The following SLC17A8 variants were observed in gnomAD, a reference collection of about 807,000 sequenced individuals.
SLC17A8 encodes solute carrier family 17 member 8.
SLC17A8 carries 31 observed loss-of-function variants against 58.0 expected under a neutral mutation model. The ratio of observed to expected loss-of-function variants is 0.53; its 90% CI spans 0.40 to 0.72. The LOEUF is 0.72. Among genes scored for constraint, SLC17A8 ranks in the 30% least tolerant of loss-of-function variants. SLC17A8 has a pLI of 0.00. For missense variants in SLC17A8, 655 were observed against 727.8 expected, an observed-to-expected ratio of 0.90 and a Z score of 1.15; for synonymous variants, 228 against 249.0, an observed-to-expected ratio of 0.92 and a Z score of 0.79.
intron 2 of SLC17A8, among the ~76,000 whole-genome samples, chr12:100,384,480 G>A (rs1481476688): frequency 6.6e-6 from 1 of 152,162 alleles, no homozygotes; most frequent in African/African-American, 2.4e-5. Context: ...GCGCACACCT[G>A]TAGTACCAGC....
At chr12:100,392,277 A>T (rs1370878638) in intron 3 of SLC17A8, among the ~76,000 whole-genome samples, 2 of 152,134 alleles carry the variant, frequency 1.3e-5, no homozygotes, top group Non-Finnish European at 2.9e-5. Flanking sequence ...GAGCATTTTT[A>T]AAAAAGAGAG....
chr12:100,404,330 G>T, intron 9 of SLC17A8, 160 bp downstream of exon 9: 1 of 878,174 alleles, frequency 1.1e-6, no homozygotes, highest in South Asian at 1.5e-5. Flanking sequence ...CCATCACAGT[G>T]CTGCCAAGAG....
rs577120550 is a variant in SLC17A8 at position 100,386,284 on chromosome 12, T to G, written c.355-4717T>G. The stretch of plus-strand genomic sequence containing the variant: ...TATACAGGGCCATTTTTTTAAAAAT[T>G]TATAATTTTAAAAAATTTTATTGTG... On this transcript the variant is annotated intron_variant, in intron 2 of 11. Transcript: ENST00000323346. Among the ~76,000 whole-genome samples, 18 of 152,290 alleles carry G rather than the reference T, an allele frequency of 1.2e-4. No homozygotes were observed. The South Asian group carries it at 2.1e-3, about 18-fold the overall frequency.
intron 1 of SLC17A8, among the ~76,000 whole-genome samples, chr12:100,379,577 C>A (rs1254548978): frequency 6.6e-6 from 1 of 152,010 alleles, no homozygotes; most frequent in Non-Finnish European, 1.5e-5. Flanking sequence ...AACTTGCAAG[C>A]TTTAATTATT....
intron 10 of SLC17A8, among the ~76,000 whole-genome samples, chr12:100,413,607 C>G (rs938467690): frequency 1.3e-5 from 2 of 152,170 alleles, no homozygotes; most frequent in African/African-American, 4.8e-5. Flanking sequence ...GCAATCATAT[C>G]AGAAGCTTCC....
intron 2 of SLC17A8, among the ~76,000 whole-genome samples, chr12:100,382,142 T>A (rs973732131): frequency 5.3e-5 from 8 of 152,160 alleles, no homozygotes; most frequent in African/African-American, 1.9e-4. Context: ...CACGTTGAGG[T>A]GGAGGCAGCG....
intron 1 of SLC17A8, among the ~76,000 whole-genome samples, chr12:100,366,050 CTTTTTTT>C (rs67071341): frequency 3.3e-5 from 3 of 90,864 alleles, no homozygotes; most frequent in African/African-American, 4.5e-5. Flanking sequence ...GTGATCCCTT[CTTTTTTT>C]TTTTTTTTTT....
chr12:100,384,075 A>G (rs1395293621), intron 2 of SLC17A8, among the ~76,000 whole-genome samples: 2 of 152,190 alleles, frequency 1.3e-5, no homozygotes, highest in Admixed American at 1.3e-4. Flanking sequence ...TAGTAAGAAA[A>G]TAAAATGACC....
chr12:100,367,387 C>A (rs1448444513), intron 1 of SLC17A8, among the ~76,000 whole-genome samples: 2 of 152,060 alleles, frequency 1.3e-5, no homozygotes, highest in Non-Finnish European at 2.9e-5. Flanking sequence ...GGTTCAAATT[C>A]AGCAATTTTT....
At chr12:100,395,549 C>A (rs920568502) in intron 4 of SLC17A8, among the ~76,000 whole-genome samples, 3 of 152,080 alleles carry the variant, frequency 2.0e-5, no homozygotes, top group Admixed American at 1.3e-4. Flanking sequence ...TGGTCTCGAA[C>A]TCCTGACTTA....
chr12:100,358,865 G>T (rs1004625283), intron 1 of SLC17A8, among the ~76,000 whole-genome samples: 7 of 152,198 alleles, frequency 4.6e-5, no homozygotes, highest in Admixed American at 6.6e-5. Flanking sequence ...CCATAGGCCG[G>T]GCGCAGTGGC....
At chr12:100,389,606 T>G (rs78438721) in intron 2 of SLC17A8, among the ~76,000 whole-genome samples, 1 of 150,842 alleles carries the variant, frequency 6.6e-6, no homozygotes, top group Admixed American at 6.6e-5. Flanking sequence ...ATATTATATA[T>G]ATATAGAGAG....
chr12:100,378,592 T>C (rs952831563), intron 1 of SLC17A8, among the ~76,000 whole-genome samples: 1 of 152,018 alleles, frequency 6.6e-6, no homozygotes, highest in Non-Finnish European at 1.5e-5. Context: ...TGATCTATTA[T>C]ACTAGGGAGG....
chr12:100,383,238 T>C (rs887394503), intron 2 of SLC17A8, among the ~76,000 whole-genome samples: 14 of 152,230 alleles, frequency 9.2e-5, no homozygotes, highest in African/African-American at 3.4e-4. Flanking sequence ...CTCTGAGGCA[T>C]ATGGAAAAGA....
At chr12:100,395,016 G>A (rs1379052047) in intron 4 of SLC17A8, among the ~76,000 whole-genome samples, 4 of 151,784 alleles carry the variant, frequency 2.6e-5, no homozygotes. Flanking sequence ...GAAAGAACAC[G>A]ATATTAGCAT....
intron 9 of SLC17A8, among the ~76,000 whole-genome samples, chr12:100,404,974 C>A (rs528133116): frequency 1.3e-5 from 2 of 152,346 alleles, no homozygotes; most frequent in East Asian, 3.9e-4. Flanking sequence ...GAGGATAGCG[C>A]CACCTATGGG....
Position 100,420,070 on chromosome 12 carries a change from G to A in SLC17A8, c.1681G>A (p.Glu561Lys), listed in dbSNP as rs750384271. 1.9e-6 allele frequency: 3 copies of A among 1,614,168 alleles called. No individual in the cohort carries two copies. In the South Asian group the frequency reaches 3.3e-5, roughly 18 times the overall value. ...TSQNCEVQKK[E>K]WKGQRGATLD... The stretch of plus-strand genomic sequence containing the variant: ...CCAGAATTGTGAAGTCCAGAAGAAG[G>A]AATGGAAAGGACAGAGAGGAGCGAC... The change falls in exon 12 of 12, where the codon GAA (glutamate) becomes AAA (lysine). Residue 561 changes from glutamate to lysine, a missense_variant. Transcript: ENST00000323346.
intron 1 of SLC17A8, among the ~76,000 whole-genome samples, chr12:100,362,679 C>T (rs1952492344): frequency 6.6e-6 from 1 of 152,188 alleles, no homozygotes; most frequent in African/African-American, 2.4e-5. Context: ...CAACTTGCTT[C>T]TCACATGAAG....
At chr12:100,377,500 A>T (rs1365415079) in intron 1 of SLC17A8, among the ~76,000 whole-genome samples, 1 of 151,658 alleles carries the variant, frequency 6.6e-6, no homozygotes, top group East Asian at 1.9e-4. Context: ...CTCAACATTC[A>T]AAGTAAGGTA....
Sources: allele counts gnomAD v4.1 joint callset (sites outside exome capture counted in the v4.1 genomes callset), GRCh38; gene constraint gnomAD v4.1.1; transcripts MANE v1.5; gene names NCBI Gene and HGNC (gene_info 2026-07-23, HGNC 2026-07-21).